The following CEP128 variants were observed in gnomAD, a reference collection of about 807,000 sequenced individuals.
The protein encoded by CEP128 is centrosomal protein 128, also known as centrosomal protein 128kDa.
Under a neutral mutation model 156.7 loss-of-function variants are expected in CEP128, and 132 were observed. That is an observed-to-expected ratio of 0.84 (90% CI 0.73 to 0.97). The LOEUF is 0.97. CEP128 is among the 50% of genes least tolerant of loss of function. The pLI, the probability that CEP128 is intolerant of heterozygous loss-of-function variation, is 0.00. For missense variants in CEP128, 1,252 were observed against 1,281.9 expected (o/e 0.98, Z 0.36); for synonymous variants, 469 against 448.9 (o/e 1.04, Z -0.57).
At chr14:80,874,408 G>A (rs182607472) in intron 8 of CEP128, among the ~76,000 whole-genome samples, 1,760 of 151,636 alleles carry the variant, frequency 0.012, 23 homozygotes, top group Non-Finnish European at 0.018. Flanking sequence ...AGGTTGCAGC[G>A]AGCTGAGATC....
chr14:80,537,870 A>T (rs572978626), intron 21 of CEP128, among the ~76,000 whole-genome samples: 1 of 152,204 alleles, frequency 6.6e-6, no homozygotes, highest in Admixed American at 6.5e-5. Context: ...ATTGGAAATC[A>T]GCATCCCTAA....
intron 9 of CEP128, among the ~76,000 whole-genome samples, chr14:80,852,080 ATG>A (rs1050407803): frequency 6.6e-6 from 1 of 152,002 alleles, no homozygotes; most frequent in Non-Finnish European, 1.5e-5. Context: ...AAATTTATAT[ATG>A]TGTGTGTGTA....
chr14:80,756,016 C>A (rs1216065152), intron 18 of CEP128, among the ~76,000 whole-genome samples: 1 of 152,120 alleles, frequency 6.6e-6, no homozygotes, highest in African/African-American at 2.4e-5. Context: ...GCAGTGAAAG[C>A]TTTCTGTTCA....
chr14:80,639,081 G>A (rs1040559633), intron 19 of CEP128, among the ~76,000 whole-genome samples: 8 of 151,842 alleles, frequency 5.3e-5, no homozygotes, highest in African/African-American at 1.5e-4. Flanking sequence ...ACAAATCAAC[G>A]GTGGAGTGAA....
intron 20 of CEP128, among the ~76,000 whole-genome samples, chr14:80,579,504 C>T (rs1039632699): frequency 3.3e-4 from 50 of 152,122 alleles, no homozygotes; most frequent in African/African-American, 1.2e-3. Context: ...AGAAGAATCC[C>T]CAATCACAGA....
chr14:80,574,382 C>T (rs1004055640), intron 20 of CEP128, among the ~76,000 whole-genome samples: 4 of 152,148 alleles, frequency 2.6e-5, no homozygotes, highest in African/African-American at 9.7e-5. Flanking sequence ...GGGCATGCTA[C>T]AGTTCGGCAG....
At chr14:80,745,503 C>A (rs1247572853) in intron 18 of CEP128, among the ~76,000 whole-genome samples, 2 of 152,038 alleles carry the variant, frequency 1.3e-5, no homozygotes, top group Non-Finnish European at 2.9e-5. Context: ...GGACAAACAT[C>A]ATATGATTAT....
At chr14:80,925,143 G>T (rs1287381839) in intron 2 of CEP128, among the ~76,000 whole-genome samples, 1 of 151,996 alleles carries the variant, frequency 6.6e-6, no homozygotes, top group Admixed American at 6.6e-5. Flanking sequence ...TGTTTCATGG[G>T]AGGAAATATC....
At chr14:80,695,893 T>G (rs922385396) in intron 19 of CEP128, among the ~76,000 whole-genome samples, 3 of 152,054 alleles carry the variant, frequency 2.0e-5, no homozygotes, top group Non-Finnish European at 2.9e-5. Context: ...TTTGAAATAA[T>G]TTTATGGAAA....
chr14:80,682,063 A>T (rs111257612), intron 19 of CEP128, among the ~76,000 whole-genome samples: 1 of 152,306 alleles, frequency 6.6e-6, no homozygotes, highest in African/African-American at 2.4e-5. Context: ...AGCTATGATC[A>T]TGCCACTGCA....
At chr14:80,794,769 G>A (rs377453846) in intron 13 of CEP128, among the ~76,000 whole-genome samples, 1 of 152,054 alleles carries the variant, frequency 6.6e-6, no homozygotes, top group African/African-American at 2.4e-5. Flanking sequence ...ATACTAGATA[G>A]TCCTAGGTGC....
chr14:80,542,704 G>C (rs1889817924), intron 21 of CEP128, among the ~76,000 whole-genome samples: 1 of 152,146 alleles, frequency 6.6e-6, no homozygotes, highest in Non-Finnish European at 1.5e-5. Context: ...ACTGAGAAAT[G>C]CTAATCATTT....
chr14:80,857,262 T>C (rs986420306), intron 9 of CEP128, among the ~76,000 whole-genome samples: 4 of 150,372 alleles, frequency 2.7e-5, no homozygotes, highest in Non-Finnish European at 4.4e-5. Context: ...GTTTACAGTC[T>C]ACATACCTCT....
Position 80,792,968 on chromosome 14 carries a change from G to A in CEP128, c.1352C>T (p.Ala451Val), listed in dbSNP as rs114560320. The A allele has an allele frequency of 7.4e-4, 1,200 of 1,614,140 alleles. 7 individuals carry two copies. In the African/African-American group the frequency reaches 0.012, roughly 17 times the overall value. The change falls in exon 14 of 25, where the codon GCG becomes GTG. Residue 451 changes from alanine (A) to valine (V), a missense_variant. By Grantham distance (64) the Ala-to-Val change is moderately conservative (BLOSUM62 0). Transcript: ENST00000555265. ...DLQISELTRHAEDATKQAERY... is the reference protein window; with the variant it reads ...DLQISELTRHVEDATKQAERY... ...CTCAGCCTGCTTGGTTGCATCCTCC[G>A]CATGGCGAGTCAGCTCTGAGATCTG...
At chr14:80,580,564 A>G (rs1566791797) in intron 19 of CEP128, 141 bp from the exon 20 acceptor site, 1 of 578,978 alleles carries the variant, frequency 1.7e-6, no homozygotes, top group Non-Finnish European at 3.1e-6. Context: ...GAAGCCATGT[A>G]AAAGAAACAC....
At chr14:80,600,134 T>A (rs942940867) in intron 19 of CEP128, among the ~76,000 whole-genome samples, 1 of 152,066 alleles carries the variant, frequency 6.6e-6, no homozygotes, top group Non-Finnish European at 1.5e-5. Flanking sequence ...CCTTGAAGTA[T>A]ACCAACATAT....
chr14:80,786,847 C>T (rs559566167), intron 14 of CEP128, among the ~76,000 whole-genome samples: 58 of 152,112 alleles, frequency 3.8e-4, no homozygotes, highest in Non-Finnish European at 7.4e-4. Flanking sequence ...AGTGGCACAC[C>T]CTATAATCCC....
chr14:80,948,756 T>C (rs961307502), intron 2 of CEP128, among the ~76,000 whole-genome samples: 2 of 152,214 alleles, frequency 1.3e-5, no homozygotes, highest in Non-Finnish European at 2.9e-5. Flanking sequence ...TCTCTTTATT[T>C]AACCTGATCA....
intron 18 of CEP128, among the ~76,000 whole-genome samples, chr14:80,748,748 T>C (rs1899234487): frequency 6.6e-6 from 1 of 152,148 alleles, no homozygotes; most frequent in African/African-American, 2.4e-5. Flanking sequence ...ATACACCTTC[T>C]CCTTAACCAA....
Sources: gnomAD v4.1 joint callset for allele counts (sites outside exome capture counted in the v4.1 genomes callset) on GRCh38, gnomAD v4.1.1 for gene constraint, MANE v1.5 for transcripts, NCBI Gene and HGNC (gene_info 2026-07-23, HGNC 2026-07-21) for gene names.